The following COX7B2 variants were observed in gnomAD, a reference collection of about 807,000 sequenced individuals.
COX7B2 encodes cytochrome c oxidase subunit 7B2, mitochondrial.
For synonymous variants in COX7B2, 37 were observed against 32.1 expected, an observed-to-expected ratio of 1.15 and a Z score of -0.51; for missense variants, 109 against 95.9, an observed-to-expected ratio of 1.14 and a Z score of -0.57.
At chr4:46,875,586 C>T (rs1364177844) in intron 1 of COX7B2, among the ~76,000 whole-genome samples, 2 of 151,970 alleles carry the variant, frequency 1.3e-5, no homozygotes, top group African/African-American at 4.8e-5. Flanking sequence ...AAGTTCATAC[C>T]GTGGTTCTAG....
intron 2 of COX7B2, among the ~76,000 whole-genome samples, chr4:46,740,535 T>G (rs1018421778): frequency 6.6e-6 from 1 of 152,044 alleles, no homozygotes; most frequent in Non-Finnish European, 1.5e-5. Context: ...CAAACGTAAC[T>G]CAAGTTTGAG....
chr4:46,818,726 T>C (rs1224816463), intron 2 of COX7B2, among the ~76,000 whole-genome samples: 1 of 152,180 alleles, frequency 6.6e-6, no homozygotes, highest in Admixed American at 6.5e-5. Flanking sequence ...CACAAAAATT[T>C]TGTCATTATT....
intron 1 of COX7B2, among the ~76,000 whole-genome samples, chr4:46,872,699 G>A (rs1037060186): frequency 6.6e-6 from 1 of 152,146 alleles, no homozygotes; most frequent in South Asian, 2.1e-4. Context: ...GTCAGAATCT[G>A]AGTGCATGTC....
intron 2 of COX7B2, among the ~76,000 whole-genome samples, chr4:46,843,232 T>A (rs1380421944): frequency 6.6e-6 from 1 of 152,054 alleles, no homozygotes; most frequent in African/African-American, 2.4e-5. Flanking sequence ...TTAGCATCAC[T>A]AAGCCTCATC....
Position 46,734,918 on chromosome 4 carries a change from C to A in COX7B2, c.*29G>T, listed in dbSNP as rs371845383. On this transcript the variant is annotated 3_prime_UTR_variant, in exon 3 of 3. Transcript: ENST00000355591. ...TTACATGACAAGTTGGTTTTTTAAA[C>A]AATTCTGTCATTACAGCAACTGTGA... 64 of 1,613,192 alleles carry A rather than the reference C, an allele frequency of 4.0e-5. No individual in the cohort carries two copies. The highest frequency in any genetic ancestry group is 4.7e-5 in the Non-Finnish European group (55 of 1,179,694).
At chr4:46,797,677 C>G (rs1011428499) in intron 2 of COX7B2, among the ~76,000 whole-genome samples, 89 of 152,130 alleles carry the variant, frequency 5.9e-4, no homozygotes, top group African/African-American at 2.1e-3. Context: ...GCAATGATTC[C>G]CACCACATCT....
intron 1 of COX7B2, among the ~76,000 whole-genome samples, chr4:46,881,232 T>C (rs146892172): frequency 2.5e-3 from 377 of 152,242 alleles, no homozygotes; most frequent in African/African-American, 8.5e-3. Flanking sequence ...CTTAGTTTTA[T>C]ACATTTTAGG....
At chr4:46,756,646 C>A (rs933928197) in intron 2 of COX7B2, among the ~76,000 whole-genome samples, 3 of 151,814 alleles carry the variant, frequency 2.0e-5, no homozygotes, top group African/African-American at 7.3e-5. Flanking sequence ...TGGCAAAGGG[C>A]ATACATTTCT....
chr4:46,772,737 A>G (rs1017102699), intron 2 of COX7B2, among the ~76,000 whole-genome samples: 2 of 152,026 alleles, frequency 1.3e-5, no homozygotes, highest in Non-Finnish European at 2.9e-5. Flanking sequence ...CTTTCAACTT[A>G]TGCAGGATTG....
intron 2 of COX7B2, among the ~76,000 whole-genome samples, chr4:46,746,970 G>T (rs1010415506): frequency 6.6e-6 from 1 of 152,174 alleles, no homozygotes; most frequent in East Asian, 1.9e-4. Flanking sequence ...TAATGATAAG[G>T]TTTCAATGTG....
intron 1 of COX7B2, among the ~76,000 whole-genome samples, chr4:46,905,154 T>C (rs945627718): frequency 2.7e-5 from 4 of 150,574 alleles, no homozygotes; most frequent in Non-Finnish European, 5.9e-5. Flanking sequence ...TTATACAAGT[T>C]TTTTTTTTTT....
At chr4:46,837,871 C>A (rs1430431395) in intron 2 of COX7B2, among the ~76,000 whole-genome samples, 1 of 151,652 alleles carries the variant, frequency 6.6e-6, no homozygotes, top group Non-Finnish European at 1.5e-5. Context: ...AATAATTAAC[C>A]ATAGAACAAA....
chr4:46,808,315 T>C (rs1007027052), intron 2 of COX7B2, among the ~76,000 whole-genome samples: 1 of 151,792 alleles, frequency 6.6e-6, no homozygotes, highest in African/African-American at 2.4e-5. Flanking sequence ...AGGGTCTTTT[T>C]TAGTTAGGCT....
chr4:46,820,789 C>G (rs1036049909), intron 2 of COX7B2, among the ~76,000 whole-genome samples: 2 of 145,810 alleles, frequency 1.4e-5, no homozygotes, highest in African/African-American at 2.5e-5. Context: ...CCATTGCACT[C>G]GAGCCTGGAC....
At chr4:46,885,676 A>G (rs1203040747) in intron 1 of COX7B2, among the ~76,000 whole-genome samples, 1 of 152,180 alleles carries the variant, frequency 6.6e-6, no homozygotes, top group African/African-American at 2.4e-5. Flanking sequence ...AAAAGCATCA[A>G]AACTGCGCTT....
At chr4:46,878,484 T>TAC in intron 1 of COX7B2, among the ~76,000 whole-genome samples, 1 of 67,692 alleles carries the variant, frequency 1.5e-5, no homozygotes, top group East Asian at 9.5e-4. Flanking sequence ...TTAGCACTAT[T>TAC]ATATATATAT....
At chr4:46,783,102 A>G (rs1464504159) in intron 2 of COX7B2, among the ~76,000 whole-genome samples, 1 of 152,242 alleles carries the variant, frequency 6.6e-6, no homozygotes, top group African/African-American at 2.4e-5. Context: ...GGGTACATGA[A>G]AAGAACAAAC....
intron 2 of COX7B2, among the ~76,000 whole-genome samples, chr4:46,766,371 T>C (rs953244789): frequency 6.6e-6 from 1 of 152,080 alleles, no homozygotes; most frequent in Non-Finnish European, 1.5e-5. Flanking sequence ...AGGTGTACAG[T>C]GTGACACCTT....
chr4:46,839,467 TGAGC>T (rs1715775884), intron 2 of COX7B2, among the ~76,000 whole-genome samples: 1 of 151,952 alleles, frequency 6.6e-6, no homozygotes, highest in Non-Finnish European at 1.5e-5. Flanking sequence ...TCCCCTAGAT[TGAGC>T]TCATTTTCAT....
Sources: allele counts gnomAD v4.1 joint callset (sites outside exome capture counted in the v4.1 genomes callset), GRCh38; gene constraint gnomAD v4.1.1; transcripts MANE v1.5; gene names NCBI Gene and HGNC (gene_info 2026-07-23, HGNC 2026-07-21).